The following EMCN variants were observed in gnomAD, a reference collection of about 807,000 sequenced individuals.
EMCN encodes the protein endomucin.
Under a neutral mutation model 38.4 loss-of-function variants are expected in EMCN, and 37 were observed. The ratio of observed to expected loss-of-function variants is 0.96; its 90% CI spans 0.74 to 1.27. The LOEUF is 1.27. EMCN is among the 50% of genes most tolerant of loss of function. The pLI, the probability that EMCN is intolerant of heterozygous loss-of-function variation, is 0.00. For synonymous variants in EMCN, 95 were observed against 100.8 expected, an observed-to-expected ratio of 0.94 and a Z score of 0.35; for missense variants, 318 against 302.8, an observed-to-expected ratio of 1.05 and a Z score of -0.37.
chr4:100,425,781 AT>A (rs1441560595), intron 5 of EMCN, among the ~76,000 whole-genome samples: 1 of 152,098 alleles, frequency 6.6e-6, no homozygotes, highest in African/African-American at 2.4e-5. Flanking sequence ...AGAATGAAAA[AT>A]ATATGAACTT....
At chr4:100,459,235 TAGAG>T (rs1162763204) in intron 4 of EMCN, among the ~76,000 whole-genome samples, 1 of 143,802 alleles carries the variant, frequency 7.0e-6, no homozygotes, top group African/African-American at 2.6e-5. Flanking sequence ...CTCTCATCTC[TAGAG>T]AGAGAGACAG....
chr4:100,401,784 C>T (rs1434052817), intron 11 of EMCN, among the ~76,000 whole-genome samples: 1 of 152,050 alleles, frequency 6.6e-6, no homozygotes, highest in East Asian at 1.9e-4. Context: ...TTTCTAACAC[C>T]ACAGTTCTTC....
At chr4:100,447,729 A>G (rs553516405) in intron 4 of EMCN, among the ~76,000 whole-genome samples, 158 bp from the exon 5 acceptor site, 1 of 152,252 alleles carries the variant, frequency 6.6e-6, no homozygotes, top group South Asian at 2.1e-4. Flanking sequence ...TGATTACAAG[A>G]AACTTCAGAG....
chr4:100,457,912 T>A (rs1728063000), intron 4 of EMCN, among the ~76,000 whole-genome samples: 1 of 151,738 alleles, frequency 6.6e-6, no homozygotes, highest in African/African-American at 2.4e-5. Context: ...AGATCAGGAG[T>A]GCAAGACCAG....
chr4:100,401,298 A>G (rs1726252546), intron 11 of EMCN, among the ~76,000 whole-genome samples: 1 of 152,194 alleles, frequency 6.6e-6, no homozygotes, highest in African/African-American at 2.4e-5. Flanking sequence ...AATAAAAAAT[A>G]ATACAAATCG....
At chr4:100,451,851 G>T (rs1196146380) in intron 4 of EMCN, among the ~76,000 whole-genome samples, 1 of 151,962 alleles carries the variant, frequency 6.6e-6, no homozygotes, top group Non-Finnish European at 1.5e-5. Flanking sequence ...TTTTGTGTGT[G>T]TGTTTATTTC....
intron 9 of EMCN, among the ~76,000 whole-genome samples, chr4:100,416,379 A>T (rs1374454980): frequency 6.6e-6 from 1 of 152,122 alleles, no homozygotes; most frequent in Non-Finnish European, 1.5e-5. Flanking sequence ...CTTAGGCTGA[A>T]TTCTGGAGAT....
intron 4 of EMCN, among the ~76,000 whole-genome samples, chr4:100,451,538 T>C: frequency 6.6e-6 from 1 of 151,998 alleles, no homozygotes; most frequent in East Asian, 1.9e-4. Context: ...GTCATATATT[T>C]ATTGAACACC....
chr4:100,417,435 C>T (rs1314972722), intron 8 of EMCN, among the ~76,000 whole-genome samples: 1 of 152,094 alleles, frequency 6.6e-6, no homozygotes, highest in East Asian at 1.9e-4. Context: ...TTCATTATTG[C>T]ATATCCCATG....
At chr4:100,437,854 T>A (rs932380260) in intron 5 of EMCN, among the ~76,000 whole-genome samples, 2 of 152,160 alleles carry the variant, frequency 1.3e-5, no homozygotes, top group South Asian at 2.1e-4. Flanking sequence ...ACTTTTTTTT[T>A]ATTTTCAGAA....
intron 5 of EMCN, chr4:100,446,322 TTAA>T (rs1727670654): frequency 3.2e-6 from 1 of 314,776 alleles, no homozygotes; most frequent in African/African-American, 2.3e-5. Context: ...GTAAAGGGAA[TTAA>T]TAATATAAAA....
Position 100,492,209 on chromosome 4 carries a change from A to T in EMCN, c.65-12170T>A, listed in dbSNP as rs536696348. Among the ~76,000 whole-genome samples the T allele has an allele frequency of 2.0e-5, 3 of 152,320 alleles. No homozygotes were observed. The East Asian group carries it at 5.8e-4, about 29-fold the overall frequency. On this transcript the variant is annotated intron_variant, in intron 1 of 11. Coordinates refer to ENST00000296420, the MANE Select transcript of EMCN (RefSeq NM_016242.4). ...ACAAACAAAATGAGAAGTATGACAA[A>T]GAAATAGAAACAACTTAGAAAACCA...
At chr4:100,428,088 G>C (rs1404223072) in intron 5 of EMCN, among the ~76,000 whole-genome samples, 1 of 152,048 alleles carries the variant, frequency 6.6e-6, no homozygotes, top group African/African-American at 2.4e-5. Flanking sequence ...TAAAACATGG[G>C]TCAGCTAATG....
chr4:100,425,983 G>T (rs945500472), intron 5 of EMCN, among the ~76,000 whole-genome samples: 1 of 152,090 alleles, frequency 6.6e-6, no homozygotes, highest in Non-Finnish European at 1.5e-5. Context: ...GGAAACTTCA[G>T]GTCAGAACTT....
intron 5 of EMCN, among the ~76,000 whole-genome samples, chr4:100,443,941 G>A (rs1727592625): frequency 6.6e-6 from 1 of 152,218 alleles, no homozygotes; most frequent in Non-Finnish European, 1.5e-5. Flanking sequence ...CAGCAAAAAT[G>A]TAGACACTTA....
intron 10 of EMCN, among the ~76,000 whole-genome samples, chr4:100,411,783 A>G (rs1168281243): frequency 1.3e-5 from 2 of 152,222 alleles, no homozygotes; most frequent in East Asian, 1.9e-4. Context: ...AATTTGCCAA[A>G]TTAACAACAT....
At chr4:100,425,149 GCACACACACACACA>G (rs57293882) in intron 5 of EMCN, among the ~76,000 whole-genome samples, 4 of 141,138 alleles carry the variant, frequency 2.8e-5, no homozygotes, top group South Asian at 2.4e-4. Context: ...TCTGAATCCA[GCACACACACACACA>G]CACACACACA....
chr4:100,454,413 C>T (rs1020818354), intron 4 of EMCN, among the ~76,000 whole-genome samples: 2 of 151,934 alleles, frequency 1.3e-5, no homozygotes, highest in Admixed American at 1.3e-4. Context: ...TGCATATAGT[C>T]AATGATAAAC....
chr4:100,499,306 G>T (rs1475035521), intron 1 of EMCN, among the ~76,000 whole-genome samples: 2 of 152,174 alleles, frequency 1.3e-5, no homozygotes, highest in East Asian at 1.9e-4. Flanking sequence ...TAGAACTAAC[G>T]TATGTAAAAG....
Sources: gnomAD v4.1 joint callset for allele counts (sites outside exome capture counted in the v4.1 genomes callset) on GRCh38, gnomAD v4.1.1 for gene constraint, MANE v1.5 for transcripts, NCBI Gene and HGNC (gene_info 2026-07-23, HGNC 2026-07-21) for gene names.